Variants in STAT5B observed in about 807,000 individuals in gnomAD.
STAT5B encodes signal transducer and activator of transcription 5B.
A neutral mutation model predicts 107.8 loss-of-function variants in STAT5B; 21 were observed. That is an observed-to-expected ratio of 0.19 (90% CI 0.14 to 0.28). The LOEUF (loss-of-function observed/expected upper bound fraction) is 0.28, where lower values mean the gene tolerates loss of function less well. Ranked by LOEUF, STAT5B falls within the 10% of genes least tolerant of loss-of-function variation. STAT5B has a pLI of 1.00. For missense variants in STAT5B, 565 were observed against 1,008.2 expected, an observed-to-expected ratio of 0.56 and a Z score of 5.95; for synonymous variants, 325 against 401.7, an observed-to-expected ratio of 0.81 and a Z score of 2.28.
At chr17:42,281,007 G>A (rs1298221267), upstream of STAT5B, among the ~76,000 whole-genome samples, 1 of 151,954 alleles carries the variant, frequency 6.6e-6, no homozygotes, top group Non-Finnish European at 1.5e-5. Context: ...GGTGGCGGGC[G>A]CCTGTAGTCC....
intron 9 of STAT5B, 151 bp from the exon 10 acceptor site, chr17:42,217,615 T>C (rs1243299518): frequency 2.6e-6 from 2 of 771,692 alleles, no homozygotes; most frequent in East Asian, 2.7e-5. Context: ...CACATACATG[T>C]AATCTTCTCG....
chr17:42,211,225 G>C (rs1464686886), intron 13 of STAT5B, among the ~76,000 whole-genome samples: 1 of 150,898 alleles, frequency 6.6e-6, no homozygotes, highest in East Asian at 2.0e-4. Context: ...AAAATAAATA[G>C]GGTGGGCACA....
At chr17:42,241,834 T>A (rs2144327934) in intron 1 of STAT5B, among the ~76,000 whole-genome samples, 1 of 152,268 alleles carries the variant, frequency 6.6e-6, no homozygotes, top group South Asian at 2.1e-4. Flanking sequence ...TAATATCAAG[T>A]AAGAAGGCTA....
At position 42,232,047 on chromosome 17, in the gene STAT5B, G is replaced by A. The variant is rs1267778936; in HGVS notation, c.81C>T (p.Pro27=). The A allele has an allele frequency of 5.6e-6, 9 of 1,613,840 alleles. No homozygotes were observed. In the South Asian group the frequency reaches 9.9e-5, roughly 18 times the overall value. Residue 27 remains proline (P), a synonymous_variant, in exon 2 of 19, where the codon CCC becomes CCT. Transcript: ENST00000293328. The stretch of plus-strand genomic sequence containing the variant: ...GGGATAAATAATGCCGCACCTCAAT[G>A]GGAAAATGCTGGCCATATAACGCTT... ...QMQALYGQHF[P]IEVRHYLSQW...
At chr17:42,250,085 T>C (rs2080485557) in intron 1 of STAT5B, among the ~76,000 whole-genome samples, 1 of 152,158 alleles carries the variant, frequency 6.6e-6, no homozygotes, top group Admixed American at 6.5e-5. Flanking sequence ...AAAATGATGA[T>C]TTTAAACATT....
At chr17:42,284,954 T>C in the STAT5B span, among the ~76,000 whole-genome samples, 4 of 152,236 alleles carry the variant, frequency 2.6e-5, no homozygotes, top group Non-Finnish European at 4.4e-5. Flanking sequence ...AGCACAACCA[T>C]GTCTGTACAC....
At chr17:42,285,024 C>T in the STAT5B span, among the ~76,000 whole-genome samples, 1 of 151,920 alleles carries the variant, frequency 6.6e-6, no homozygotes, top group African/African-American at 2.4e-5. Context: ...GCCTAGGCTG[C>T]AGACTATTAT....
At chr17:42,275,766 A>G (rs2080759572) in intron 1 of STAT5B, among the ~76,000 whole-genome samples, 1 of 151,828 alleles carries the variant, frequency 6.6e-6, no homozygotes, top group African/African-American at 2.4e-5. Flanking sequence ...AGCTTTGCTA[A>G]TACCCCCCAC....
intron 12 of STAT5B, 44 bp from the exon 13 acceptor site, chr17:42,212,234 T>C: frequency 6.2e-7 from 1 of 1,613,914 alleles, no homozygotes; most frequent in Non-Finnish European, 8.5e-7. Flanking sequence ...AACAGTTGCA[T>C]GATTTATTCC....
chr17:42,219,656 C>T, intron 6 of STAT5B, 56 bp downstream of exon 6: 1 of 1,558,198 alleles, frequency 6.4e-7, no homozygotes, highest in Non-Finnish European at 8.7e-7. Context: ...CCCTCGGGTC[C>T]CCAGAGACTG....
intron 1 of STAT5B, among the ~76,000 whole-genome samples, chr17:42,240,537 G>A: frequency 6.6e-6 from 1 of 152,168 alleles, no homozygotes; most frequent in African/African-American, 2.4e-5. Context: ...TTTTTGAGGG[G>A]ATGATGAAAA....
intron 1 of STAT5B, among the ~76,000 whole-genome samples, chr17:42,263,906 CACACAG>C (rs1433420314): frequency 1.3e-5 from 2 of 150,946 alleles, no homozygotes; most frequent in Admixed American, 6.6e-5. Flanking sequence ...CACACACACA[CACACAG>C]GGAACTCCAC....
chr17:42,226,652 A>G (rs973466343), intron 3 of STAT5B, among the ~76,000 whole-genome samples: 1 of 151,704 alleles, frequency 6.6e-6, no homozygotes, highest in Non-Finnish European at 1.5e-5. Flanking sequence ...TACTAAAAAT[A>G]CAAAAATTAG....
chr17:42,260,902 G>C (rs1186608535), intron 1 of STAT5B, among the ~76,000 whole-genome samples: 1 of 148,500 alleles, frequency 6.7e-6, no homozygotes, highest in African/African-American at 2.5e-5. Flanking sequence ...TAGTTTCCTA[G>C]TTTATATGTC....
chr17:42,277,369 C>G (rs1318991757), upstream of STAT5B, among the ~76,000 whole-genome samples: 1 of 152,188 alleles, frequency 6.6e-6, no homozygotes, highest in Non-Finnish European at 1.5e-5. Flanking sequence ...ACACAGAGCT[C>G]CCCTGTGTGT....
chr17:42,216,660 G>A (rs2080174617), intron 11 of STAT5B, among the ~76,000 whole-genome samples: 1 of 150,784 alleles, frequency 6.6e-6, no homozygotes, highest in African/African-American at 2.4e-5. Context: ...TTACAGATGT[G>A]AGCCACTGCA....
At chr17:42,226,361 G>A (rs2080272149) in intron 3 of STAT5B, among the ~76,000 whole-genome samples, 1 of 152,180 alleles carries the variant, frequency 6.6e-6, no homozygotes, top group Non-Finnish European at 1.5e-5. Flanking sequence ...CTGGATTCTG[G>A]ACTGCAGCGG....
intron 1 of STAT5B, among the ~76,000 whole-genome samples, chr17:42,263,871 G>GCGCGCGCGCGCA (rs1007528555): frequency 2.8e-5 from 4 of 144,936 alleles, no homozygotes; most frequent in African/African-American, 1.0e-4. Flanking sequence ...TAGAAAGCGC[G>GCGCGCGCGCGCA]CACACACACA....
rs902353412 is a variant in STAT5B at position 42,272,537 on chromosome 17, G to A, written c.-11+3711C>T. 6 of 152,336 alleles carry A rather than the reference G, an allele frequency of 3.9e-5. No homozygotes were observed. In the Middle Eastern group the frequency reaches 0.01, roughly 259 times the overall value. 9.4% of individuals were successfully genotyped at this position (152,336 alleles called of 1,614,324 possible). On this transcript the variant is annotated intron_variant, in intron 1 of 18. Coordinates refer to ENST00000293328, the MANE Select transcript of STAT5B (RefSeq NM_012448.4). Reference sequence around the variant, plus strand: ...CCTTCCAAGGCTGTTAAACTTTGAAGAGAGTTGGGAAAAGACAAGAACATC... The same window carrying A: ...CCTTCCAAGGCTGTTAAACTTTGAAAAGAGTTGGGAAAAGACAAGAACATC...
Sources: allele counts gnomAD v4.1 joint callset (sites outside exome capture counted in the v4.1 genomes callset), GRCh38; gene constraint gnomAD v4.1.1; transcripts MANE v1.5; gene names NCBI Gene and HGNC (gene_info 2026-07-23, HGNC 2026-07-21).